CNTNAP5: variants seen among roughly 807,000 people sequenced by gnomAD.
CNTNAP5 encodes contactin associated protein family member 5, also known as contactin-associated protein-like 5.
In CNTNAP5, 72 loss-of-function variants were observed where a neutral mutation model predicts 150.2. The ratio of observed to expected loss-of-function variants is 0.48; its 90% CI spans 0.40 to 0.58. The LOEUF is 0.58. Among genes scored for constraint, CNTNAP5 ranks in the 20% least tolerant of loss-of-function variants. The probability of loss-of-function intolerance (pLI) is 0.00; values close to 1 mark genes in which losing one functional copy is unlikely to be tolerated. For missense variants in CNTNAP5, 1,636 were observed against 1,626.2 expected (o/e 1.01, Z -0.10); for synonymous variants, 672 against 619.8 (o/e 1.08, Z -1.25).
chr2:124,480,313 G>A (rs144187926), intron 7 of CNTNAP5, among the ~76,000 whole-genome samples: 3 of 152,208 alleles, frequency 2.0e-5, no homozygotes, highest in African/African-American at 7.2e-5. Context: ...ATAGGCTTGG[G>A]TATAACAGAT....
chr2:124,216,960 G>A (rs145032850), intron 1 of CNTNAP5, among the ~76,000 whole-genome samples: 94 of 152,182 alleles, frequency 6.2e-4, no homozygotes, highest in Middle Eastern at 3.4e-3. Flanking sequence ...CTGAGGAATC[G>A]CCACACCAAC....
intron 13 of CNTNAP5, among the ~76,000 whole-genome samples, chr2:124,705,908 G>A (rs773545406): frequency 1.3e-4 from 19 of 149,528 alleles, no homozygotes; most frequent in African/African-American, 3.2e-4. Flanking sequence ...GTCACCTTGT[G>A]TGATGTTTAG....
At chr2:124,216,237 CTTTA>C (rs1444987687) in intron 1 of CNTNAP5, among the ~76,000 whole-genome samples, 1 of 151,700 alleles carries the variant, frequency 6.6e-6, no homozygotes, top group Non-Finnish European at 1.5e-5. Context: ...TAGTGATGGC[CTTTA>C]CATTATAAAG....
intron 14 of CNTNAP5, among the ~76,000 whole-genome samples, chr2:124,752,603 A>G (rs1263461048): frequency 6.6e-6 from 1 of 152,188 alleles, no homozygotes; most frequent in Non-Finnish European, 1.5e-5. Context: ...TATCTCAGCC[A>G]AATCACTAAA....
At chr2:124,730,762 G>T (rs886140645) in intron 13 of CNTNAP5, among the ~76,000 whole-genome samples, 10 of 152,032 alleles carry the variant, frequency 6.6e-5, no homozygotes, top group Non-Finnish European at 1.0e-4. Flanking sequence ...AATGACCTTT[G>T]TGGGGTATTA....
intron 13 of CNTNAP5, among the ~76,000 whole-genome samples, chr2:124,686,372 C>T (rs1052149969): frequency 1.3e-5 from 2 of 152,094 alleles, no homozygotes; most frequent in Non-Finnish European, 2.9e-5. Context: ...ATTCTGGAAG[C>T]AAATTAGTCT....
At chr2:124,276,949 G>A (rs2104618695) in intron 3 of CNTNAP5, among the ~76,000 whole-genome samples, 1 of 152,210 alleles carries the variant, frequency 6.6e-6, no homozygotes, top group African/African-American at 2.4e-5. Context: ...CAGAAAAATG[G>A]GGCTCAGCAA....
chr2:124,218,274 A>G (rs1241726105), intron 1 of CNTNAP5, among the ~76,000 whole-genome samples: 3 of 152,146 alleles, frequency 2.0e-5, no homozygotes. Context: ...ATGGAACATT[A>G]GGCAAAAATA....
intron 13 of CNTNAP5, among the ~76,000 whole-genome samples, chr2:124,658,631 T>C (rs1399746713): frequency 6.6e-6 from 1 of 152,172 alleles, no homozygotes; most frequent in Non-Finnish European, 1.5e-5. Context: ...GTGGCATAGA[T>C]TGTGCAAAGA....
At chr2:124,764,831 T>TA (rs938873832) in intron 16 of CNTNAP5, among the ~76,000 whole-genome samples, 3 of 152,056 alleles carry the variant, frequency 2.0e-5, no homozygotes, top group Non-Finnish European at 2.9e-5. Context: ...AAATACAATT[T>TA]AAAAAAATTA....
At chr2:124,792,810 C>T (rs1401598706) in intron 18 of CNTNAP5, among the ~76,000 whole-genome samples, 12 of 152,238 alleles carry the variant, frequency 7.9e-5, no homozygotes, top group Non-Finnish European at 4.4e-5. Context: ...ATTTCTTTTA[C>T]TTCGCATAAT....
chr2:124,586,696 A>T (rs1696544113), intron 11 of CNTNAP5, among the ~76,000 whole-genome samples: 1 of 152,190 alleles, frequency 6.6e-6, no homozygotes. Flanking sequence ...GAAGTATCAC[A>T]GCAATCTAAA....
At chr2:124,408,271 T>C (rs900346894) in intron 3 of CNTNAP5, among the ~76,000 whole-genome samples, 1 of 152,074 alleles carries the variant, frequency 6.6e-6, no homozygotes, top group Non-Finnish European at 1.5e-5. Flanking sequence ...CACAGCAGTC[T>C]GAGATCAAAC....
chr2:124,785,370 T>G (rs1171387715), intron 17 of CNTNAP5, among the ~76,000 whole-genome samples: 1 of 152,204 alleles, frequency 6.6e-6, no homozygotes, highest in Non-Finnish European at 1.5e-5. Flanking sequence ...TTCTGATTTT[T>G]CAATGAGGAA....
intron 13 of CNTNAP5, among the ~76,000 whole-genome samples, chr2:124,687,496 G>T (rs1261439097): frequency 3.3e-5 from 5 of 151,884 alleles, no homozygotes; most frequent in African/African-American, 1.2e-4. Context: ...GTTTCATTAT[G>T]GTTCATGGGT....
chr2:124,571,721 G>A (rs1696166181), intron 11 of CNTNAP5, among the ~76,000 whole-genome samples: 1 of 150,980 alleles, frequency 6.6e-6, no homozygotes, highest in South Asian at 2.1e-4. Context: ...TAGTAGAAAT[G>A]GGGTTTCACC....
chr2:124,104,013 A>G (rs1683119870), intron 1 of CNTNAP5, among the ~76,000 whole-genome samples: 1 of 147,872 alleles, frequency 6.8e-6, no homozygotes, highest in South Asian at 2.1e-4. Flanking sequence ...ATATATTTAT[A>G]TATTATAAAT....
At chr2:124,657,733 A>G (rs1442112195) in intron 13 of CNTNAP5, among the ~76,000 whole-genome samples, 1 of 152,128 alleles carries the variant, frequency 6.6e-6, no homozygotes, top group Non-Finnish European at 1.5e-5. Flanking sequence ...AATACAGTGA[A>G]CTTGGCCCCA....
intron 19 of CNTNAP5, among the ~76,000 whole-genome samples, chr2:124,808,882 T>C (rs1263417850): frequency 2.0e-5 from 3 of 152,122 alleles, no homozygotes; most frequent in African/African-American, 7.2e-5. Context: ...GTGAAGATAC[T>C]GGGCTAAATA....
Sources: gnomAD v4.1 joint callset for allele counts (sites outside exome capture counted in the v4.1 genomes callset) on GRCh38, gnomAD v4.1.1 for gene constraint, MANE v1.5 for transcripts, NCBI Gene and HGNC (gene_info 2026-07-23, HGNC 2026-07-21) for gene names.